Variants in CEP170B observed in about 807,000 individuals in gnomAD.
CEP170B encodes the protein centrosomal protein 170B.
A neutral mutation model predicts 120.6 loss-of-function variants in CEP170B; 55 were observed. The observed-to-expected ratio is 0.46, with a 90% CI of 0.37 to 0.57. CEP170B has a LOEUF of 0.57. Ranked by LOEUF, CEP170B falls within the 20% of genes least tolerant of loss-of-function variation. CEP170B has a pLI of 0.00. For synonymous variants in CEP170B, 1,033 were observed against 954.5 expected, an observed-to-expected ratio of 1.08 and a Z score of -1.52; for missense variants, 2,212 against 2,253.3, an observed-to-expected ratio of 0.98 and a Z score of 0.37.
At chr14:104,892,761 G>A (rs1366366391) in intron 13 of CEP170B, among the ~76,000 whole-genome samples, 1 of 152,264 alleles carries the variant, frequency 6.6e-6, no homozygotes, top group Non-Finnish European at 1.5e-5. Flanking sequence ...CCTCCTTGTG[G>A]CTGTGGGGAG....
Position 104,882,806 on chromosome 14 carries a change from C to T in CEP170B, c.551C>T (p.Ala184Val). ...GACGATGGTAGCACGCTGCCTGACGCCCAGCGCCAGGGAGAGCCCTACCCA... is the reference window on the plus strand; with the variant it reads ...GACGATGGTAGCACGCTGCCTGACGTCCAGCGCCAGGGAGAGCCCTACCCA... ...GEDDGSTLPDAQRQGEPYPER... is the reference protein window; with the variant it reads ...GEDDGSTLPDVQRQGEPYPER... Residue 184 changes from alanine (A) to valine (V), a missense_variant, in exon 7 of 19, where the codon GCC (alanine) becomes GTC (valine). This residue lies in a region of CEP170B where 2,166 missense variants were observed against 2,166.7 expected (regional missense o/e 1.00). Transcript: ENST00000414716. 6.2e-7 allele frequency: 1 copy of T among 1,612,248 alleles called. No individual in the cohort carries two copies. Among genetic ancestry groups the T allele is most frequent in the Non-Finnish European group, 8.5e-7 (1 of 1,179,654 alleles).
Position 104,884,223 on chromosome 14 carries a change from G to C in CEP170B, c.1444G>C (p.Ala482Pro), listed in dbSNP as rs369365096. 6.5e-7 allele frequency: 1 copy of C among 1,542,598 alleles called. No homozygotes were observed. The highest frequency in any genetic ancestry group is 2.4e-5 in the East Asian group (1 of 40,948). Reference protein sequence around the residue: ...TEERLGSPSPASRTPARPFGS... With the variant: ...TEERLGSPSPPSRTPARPFGS... The stretch of plus-strand genomic sequence containing the variant: ...GGAACGGCTGGGCAGCCCCTCGCCC[G>C]CCTCCCGAACCCCTGCCCGCCCCTT... The change falls in exon 9 of 19, where the codon GCC becomes CCC. Residue 482 changes from alanine to proline, a missense_variant. Ala to Pro is a conservative substitution (Grantham distance 27). Coordinates refer to ENST00000414716, the MANE Select transcript of CEP170B (RefSeq NM_001112726.3).
At chr14:104,877,163 T>C (rs1182520861) in intron 3 of CEP170B, among the ~76,000 whole-genome samples, 1 of 152,136 alleles carries the variant, frequency 6.6e-6, no homozygotes, top group Non-Finnish European at 1.5e-5. Context: ...CTGGGGTCTG[T>C]CCTGAGCTCC....
intron 2 of CEP170B, among the ~76,000 whole-genome samples, chr14:104,874,307 G>A (rs897784920): frequency 6.6e-6 from 1 of 152,214 alleles, no homozygotes; most frequent in African/African-American, 2.4e-5. Flanking sequence ...CAGGAGCCAC[G>A]TAGCTGTGGG....
intron 5 of CEP170B, among the ~76,000 whole-genome samples, chr14:104,878,732 G>A (rs1895990383): frequency 6.6e-6 from 1 of 152,236 alleles, no homozygotes; most frequent in African/African-American, 2.4e-5. Context: ...ACAGGTGGCG[G>A]GGGCACCGGG....
intron 12 of CEP170B, 148 bp downstream of exon 12, chr14:104,888,126 GCTGGACTCACGTGC>G: frequency 1.1e-6 from 1 of 927,152 alleles, no homozygotes; most frequent in Non-Finnish European, 1.6e-6. Flanking sequence ...TAGATGTGTT[GCTGGACTCACGTGC>G]ACACACACAC....
chr14:104,877,866 GCCACCT>G lies in CEP170B; in HGVS notation c.196-18_196-13del. The stretch of plus-strand genomic sequence containing the variant: ...CCCGCGCAGCTCCCCCCCCCCCCCC[GCCACCT>G]GTTTTCCTGCAGACGTTTGTGAATG... On this transcript the variant is annotated splice_polypyrimidine_tract_variant and intron_variant, in intron 3 of 18. Coordinates refer to ENST00000414716, the MANE Select transcript of CEP170B (RefSeq NM_001112726.3). 3.3e-5 allele frequency: 3 copies of G among 89,984 alleles called. No individual in the cohort carries two copies. Among genetic ancestry groups the G allele is most frequent in the Non-Finnish European group, 3.3e-5 (2 of 59,912 alleles). The allele number at this position is 89,984 out of a possible 1,614,324, so 5.6% of individuals were successfully genotyped here.
chr14:104,865,088 A>C (rs1895123700), upstream of CEP170B, among the ~76,000 whole-genome samples: 1 of 151,066 alleles, frequency 6.6e-6, no homozygotes, highest in South Asian at 2.1e-4. The surrounding 1 kb of genome is among the most constrained non-coding windows in gnomAD (Gnocchi z 6.7). Flanking sequence ...GCGGCTCGCC[A>C]AGCCTCTGCC....
In CEP170B at chr14:104,877,128, G is replaced by C. The variant is rs562694661; in HGVS notation, c.196-757G>C. Among the ~76,000 whole-genome samples, 5 of 152,204 alleles carry C rather than the reference G, an allele frequency of 3.3e-5. No individual in the cohort carries two copies. In the South Asian group the frequency reaches 1.0e-3, roughly 32 times the overall value. The stretch of plus-strand genomic sequence containing the variant: ...CAGCCCCTCAGCAGCCCCTCAAGGA[G>C]CTCCGGCCAGGGGGTCTCAGGCTGC... On this transcript the variant is annotated intron_variant, in intron 3 of 18. Transcript: ENST00000414716.
At chr14:104,877,836 A>ACCCCCCCCC in intron 3 of CEP170B, 49 bp from the exon 4 acceptor site, 5 of 237,056 alleles carry the variant, frequency 2.1e-5, no homozygotes, top group South Asian at 9.1e-5. Flanking sequence ...GCCCACAGCC[A>ACCCCCCCCC]CCCACCCGCG....
intron 16 of CEP170B, 121 bp downstream of exon 16, chr14:104,893,970 G>C (rs1229903039): frequency 1.1e-6 from 1 of 928,844 alleles, no homozygotes; most frequent in Non-Finnish European, 1.7e-6. Context: ...TGCACCTGTG[G>C]AGCAGCCCTC....
intron 6 of CEP170B, among the ~76,000 whole-genome samples, chr14:104,881,922 G>A (rs370237946): frequency 1.2e-4 from 18 of 152,238 alleles, no homozygotes; most frequent in South Asian, 8.3e-4. Context: ...GGTTCCTGAC[G>A]GGTGACTGGC....
chr14:104,887,669 C>T lies in CEP170B; in HGVS notation c.3430C>T (p.Arg1144Trp), dbSNP rs747326758. The T allele has an allele frequency of 1.3e-5, 20 of 1,571,102 alleles. No individual in the cohort carries two copies. In the East Asian group the frequency reaches 1.9e-4, roughly 15 times the overall value. The change falls in exon 12 of 19, where the codon CGG becomes TGG. Residue 1144 changes from arginine to tryptophan, a missense_variant. Arg to Trp is a moderately radical substitution (Grantham distance 101). Transcript: ENST00000414716. The stretch of plus-strand genomic sequence containing the variant: ...AGACACTGAGGCTGCGGATGGTGAG[C>T]GGGGGTCCCTGGGCAACCCTGAGCC... ...ASDTEAADGE[R>W]GSLGNPEPVG...
At position 104,886,120 on chromosome 14, in the gene CEP170B, G is replaced by A. The variant is rs372643760; in HGVS notation, c.2025G>A (p.Pro675=). 5.2e-6 allele frequency: 8 copies of A among 1,540,246 alleles called. No homozygotes were observed. Among genetic ancestry groups the A allele is most frequent in the African/African-American group, 2.7e-5 (2 of 73,070 alleles). ...GCCTGGCTGACAGCTACTCAGACCC[G>A]GGCCTCACAGGTAAGTGGCTCCAGT... The part of the protein sequence containing the change: ...WASLADSYSD[P]GLTEDGLGRR... Residue 675 remains proline (P), a synonymous_variant, in exon 11 of 19, where the codon CCG becomes CCA. Transcript: ENST00000414716.
chr14:104,893,406 G>A (rs542572296), intron 14 of CEP170B, 117 bp from the exon 15 acceptor site: 2 of 1,310,122 alleles, frequency 1.5e-6, no homozygotes, highest in Admixed American at 2.2e-5. Flanking sequence ...GAGGGACCTT[G>A]CACAGACGGA....
chr14:104,877,925 T>C lies in CEP170B; in HGVS notation c.236T>C (p.Val79Ala), dbSNP rs1320383366. ...NDMRIPDQKY[V>A]TLKLNDVIRF... Reference sequence around the variant, plus strand: ...ATGCGCATCCCGGACCAGAAGTACGTCACGCTGAAGCTCAACGATGTCATC... The same window carrying C: ...ATGCGCATCCCGGACCAGAAGTACGCCACGCTGAAGCTCAACGATGTCATC... The change falls in exon 4 of 19, where the codon GTC (valine) becomes GCC (alanine). Residue 79 changes from valine to alanine, a missense_variant. Physicochemically the swap from Val to Ala is moderately conservative, Grantham distance 64. Around this residue, in one of 2 missense-constraint regions of CEP170B, gnomAD observed 2,166 missense variants for 2,166.7 expected, o/e 1.00. Transcript: ENST00000414716. 1 of 1,550,134 alleles carries C rather than the reference T, an allele frequency of 6.5e-7. No homozygotes were observed. Among genetic ancestry groups the C allele is most frequent in the East Asian group, 2.5e-5 (1 of 40,356 alleles).
Position 104,889,750 on chromosome 14 carries a change from G to A in CEP170B, c.3870G>A (p.Glu1290=), listed in dbSNP as rs752538997. 7 of 1,602,104 alleles carry A rather than the reference G, an allele frequency of 4.4e-6. No individual in the cohort carries two copies. Among genetic ancestry groups the A allele is most frequent in the Non-Finnish European group, 6.0e-6 (7 of 1,171,776 alleles). ...GFIVQTAEIA[E]IARLSQTLVK... ...TCGTGCAGACGGCAGAGATTGCGGAGATTGCCAGGTGAGTAGCCCATTCAG... is the reference window on the plus strand; with the variant it reads ...TCGTGCAGACGGCAGAGATTGCGGAAATTGCCAGGTGAGTAGCCCATTCAG... Residue 1290 remains glutamate, a synonymous_variant, in exon 13 of 19, where the codon GAG becomes GAA. Transcript: ENST00000414716.
In CEP170B at chr14:104,896,482, C is replaced by G. The variant is rs1010731161; in HGVS notation, c.*1524C>G. The G allele has an allele frequency of 1.4e-5, 6 of 439,870 alleles. No homozygotes were observed. Among genetic ancestry groups the G allele is most frequent in the Middle Eastern group, 6.7e-4 (1 of 1,500 alleles). 27.2% of individuals were successfully genotyped at this position (439,870 alleles called of 1,614,324 possible). A position where few individuals can be genotyped will look rare whatever the true frequency, so the allele number is the denominator to read the frequency against. On this transcript the variant is annotated 3_prime_UTR_variant, in exon 19 of 19. Coordinates refer to ENST00000414716, the MANE Select transcript of CEP170B (RefSeq NM_001112726.3). ...CCTGCCCCTGGACATGAAGTGGTCA[C>G]GCTTCATCCACGGCTCCTTCCCACC...
At chr14:104,892,541 CCCTT>C (rs931041054) in intron 13 of CEP170B, among the ~76,000 whole-genome samples, 16 of 152,016 alleles carry the variant, frequency 1.1e-4, no homozygotes, top group African/African-American at 3.6e-4. Context: ...TCAGCCCACT[CCCTT>C]CCTTGCCTCA....
Sources: gnomAD v4.1 joint callset for allele counts (sites outside exome capture counted in the v4.1 genomes callset) on GRCh38, gnomAD v4.1.1 for gene constraint, gnomAD v4.1.1 regional missense constraint, Gnocchi (gnomAD v3.1) non-coding constraint, MANE v1.5 for transcripts, NCBI Gene and HGNC (gene_info 2026-07-23, HGNC 2026-07-21) for gene names.